Variants in PDE4DIP observed in about 807,000 individuals in gnomAD.
The protein encoded by PDE4DIP is phosphodiesterase 4D interacting protein.
PDE4DIP carries 59 observed loss-of-function variants against 221.4 expected under a neutral mutation model. The ratio of observed to expected loss-of-function variants is 0.27; its 90% CI spans 0.22 to 0.33. The LOEUF (loss-of-function observed/expected upper bound fraction) is 0.33, where lower values mean the gene tolerates loss of function less well. PDE4DIP is among the 10% of genes least tolerant of loss of function. The pLI is 1.00. For missense variants in PDE4DIP, 1,036 were observed against 2,154.2 expected, an observed-to-expected ratio of 0.48 and a Z score of 10.28; for synonymous variants, 404 against 815.9, an observed-to-expected ratio of 0.50 and a Z score of 8.60.
chr1:148,980,211 G>A (rs1473896444), intron 20 of PDE4DIP, among the ~76,000 whole-genome samples: 3 of 152,280 alleles, frequency 2.0e-5, no homozygotes, highest in African/African-American at 7.2e-5. Context: ...TAAACGTAAG[G>A]CTATGCCCTG....
chr1:148,959,481 G>C (rs1368218426), intron 5 of PDE4DIP, among the ~76,000 whole-genome samples: 1 of 151,914 alleles, frequency 6.6e-6, no homozygotes. Context: ...AAGTGTGAGG[G>C]AAACAAAAAA....
intron 5 of PDE4DIP, among the ~76,000 whole-genome samples, chr1:148,946,540 CAA>C (rs67877634): frequency 1.8e-4 from 20 of 109,736 alleles, no homozygotes; most frequent in Non-Finnish European, 1.6e-4. Context: ...GACTTCGTCT[CAA>C]AAAAAAAAAA....
exon 9 of PDE4DIP, chr1:148,962,503 C>T (rs377555246): frequency 1.3e-4 from 89 of 701,710 alleles, no homozygotes; most frequent in Middle Eastern, 2.4e-4. Context: ...CTGCAGCCAA[C>T]TTGAAATACA....
chr1:148,955,226 A>G (rs1366085242), intron 5 of PDE4DIP, among the ~76,000 whole-genome samples: 1 of 152,242 alleles, frequency 6.6e-6, no homozygotes, highest in Admixed American at 6.5e-5. Flanking sequence ...TGGGCTTTAC[A>G]GTATTTCTGT....
At chr1:148,999,258 T>G (rs1553571311) in intron 23 of PDE4DIP, 1 of 151,312 alleles carries the variant, frequency 6.6e-6, no homozygotes, top group Non-Finnish European at 1.5e-5. Flanking sequence ...GGCTGATCCA[T>G]TTATTCATTC....
chr1:149,030,757 A>G (rs1424054651), intron 43 of PDE4DIP: 2 of 985,144 alleles, frequency 2.0e-6, no homozygotes, highest in East Asian at 2.3e-4. Flanking sequence ...ATTTTGCTAT[A>G]TCTTTAAGTA....
chr1:148,892,549 G>T (rs1553438105), intron 1 of PDE4DIP, among the ~76,000 whole-genome samples: 1 of 121,150 alleles, frequency 8.3e-6, no homozygotes, highest in Non-Finnish European at 1.7e-5. Flanking sequence ...ATTGCCATGG[G>T]TCCCATACAG....
At chr1:148,998,442 T>A (rs587646073) in intron 23 of PDE4DIP, 67 bp downstream of exon 26, 2 of 720,870 alleles carry the variant, frequency 2.8e-6, no homozygotes, top group Admixed American at 2.3e-5. Context: ...GGGGTGCCTA[T>A]CCCAGGCTCC....
chr1:148,963,820 C>T (rs1354302155), intron 9 of PDE4DIP, among the ~76,000 whole-genome samples: 2 of 111,094 alleles, frequency 1.8e-5, no homozygotes, highest in Non-Finnish European at 3.3e-5. Context: ...GTGGCGCGAT[C>T]TCGGCTCGCT....
At chr1:148,952,279 TGC>T in intron 5 of PDE4DIP, 4 of 975,166 alleles carry the variant, frequency 4.1e-6, no homozygotes, top group Non-Finnish European at 3.7e-6. Flanking sequence ...CTACCTCGCA[TGC>T]GCAGAGCCGG....
chr1:148,915,274 A>G (rs1346195982), intron 1 of PDE4DIP, among the ~76,000 whole-genome samples: 2 of 152,202 alleles, frequency 1.3e-5, no homozygotes, highest in East Asian at 1.9e-4. Flanking sequence ...CAGCCTCCCA[A>G]GTAGCTGGGA....
Position 148,816,284 on chromosome 1 carries a change from A to G in PDE4DIP, c.233+7547A>G, listed in dbSNP as rs374121121. 2.6e-5 allele frequency among the ~76,000 whole-genome samples: 4 copies of G among 151,560 alleles called. No homozygotes were observed. The South Asian group carries it at 6.2e-4, about 24-fold the overall frequency. On this transcript the variant is annotated intron_variant, in intron 1 of 45. Transcript: ENST00000524974. ...ATGTCTCTTTGTGTCCCTGTTTTCA[A>G]TGCTTTTGGGTTGCAAAAGAAGAGG...
chr1:149,025,762 T>A (rs1198684989), intron 38 of PDE4DIP: 1 of 146,988 alleles, frequency 6.8e-6, no homozygotes, highest in Non-Finnish European at 1.5e-5. Flanking sequence ...TTAATCTTTG[T>A]TTTTCTGTGG....
At chr1:148,978,326 C>A (rs781928446) in exon 19 of PDE4DIP, 1 of 1,611,714 alleles carries the variant, frequency 6.2e-7, no homozygotes, top group East Asian at 2.2e-5. Flanking sequence ...AGCTATGGAA[C>A]GCCTGACCCA....
intron 41 of PDE4DIP, 42 bp from the exon 45 acceptor site, chr1:149,029,745 G>T (rs782001522): frequency 9.0e-6 from 9 of 996,448 alleles, no homozygotes; most frequent in Non-Finnish European, 1.3e-5. Context: ...GGGTGCTTTA[G>T]GCCTTCTGCC....
At chr1:149,023,912 TAC>T (rs797035567) in intron 37 of PDE4DIP, among the ~76,000 whole-genome samples, 2,800 of 150,088 alleles carry the variant, frequency 0.019, 75 homozygotes, top group African/African-American at 0.065. Flanking sequence ...TATATATATG[TAC>T]ACACACACAC....
chr1:148,947,049 G>A (rs200150291), intron 5 of PDE4DIP, among the ~76,000 whole-genome samples: 22 of 152,406 alleles, frequency 1.4e-4, no homozygotes, highest in African/African-American at 3.1e-4. Flanking sequence ...TAACTGTAGC[G>A]TGCACCTTTT....
At chr1:149,023,533 A>G (rs1349280782) in intron 37 of PDE4DIP, among the ~76,000 whole-genome samples, 3 of 147,444 alleles carry the variant, frequency 2.0e-5, no homozygotes, top group African/African-American at 5.0e-5. Flanking sequence ...AGGTAAATAT[A>G]TATACATATA....
intron 1 of PDE4DIP, among the ~76,000 whole-genome samples, chr1:148,916,309 G>A: frequency 1.0e-5 from 1 of 96,962 alleles, no homozygotes; most frequent in Middle Eastern, 5.4e-3. Flanking sequence ...AATCCTTACA[G>A]CACATTTCGA....
Sources: allele counts gnomAD v4.1 joint callset (sites outside exome capture counted in the v4.1 genomes callset), GRCh38; gene constraint gnomAD v4.1.1; transcripts MANE v1.5; gene names NCBI Gene and HGNC (gene_info 2026-07-23, HGNC 2026-07-21).